Variants in FEZ2 observed in about 807,000 individuals in gnomAD.
FEZ2 encodes fasciculation and elongation protein zeta-2.
A neutral mutation model predicts 40.4 loss-of-function variants in FEZ2; 51 were observed. The observed-to-expected ratio is 1.26, with a 90% CI of 1.01 to 1.59. The LOEUF is 1.59. FEZ2 is among the 40% of genes most tolerant of loss of function. The pLI is 0.00. For synonymous variants in FEZ2, 242 were observed against 172.0 expected, an observed-to-expected ratio of 1.41 and a Z score of -3.18; for missense variants, 640 against 438.3, an observed-to-expected ratio of 1.46 and a Z score of -4.11.
rs181565759 is a variant in FEZ2, at chr2:36,553,673, C to G, written c.1046-494G>C. Among the ~76,000 whole-genome samples the G allele has an allele frequency of 2.1e-3, 317 of 152,292 alleles. 2 individuals carry two copies. The highest frequency in any genetic ancestry group is 1.1e-3 in the Non-Finnish European group (78 of 68,034). ...GAAAGAGAAGCTCAATTAGCCCATA[C>G]AGTGCCCACCCTACTCCCTTTTCTC... On this transcript the variant is annotated intron_variant, in intron 7 of 7. Coordinates refer to ENST00000405912, the MANE Select transcript of FEZ2 (RefSeq NM_005102.3).
Position 36,581,344 on chromosome 2 carries a change from G to A in FEZ2, c.580C>T (p.Leu194Phe). 1 of 1,613,656 alleles carries A rather than the reference G, an allele frequency of 6.2e-7. No homozygotes were observed. The highest frequency in any genetic ancestry group is 1.3e-5 in the African/African-American group (1 of 75,010). Residue 194 changes from leucine (L) to phenylalanine (F), a missense_variant, in exon 4 of 8, where the codon CTT becomes TTT. Transcript: ENST00000405912. ...TPTQSDRLSM[L>F]SQEIQTLKRS... ...TTGAGAGTTTGAATTTCCTGGGAAA[G>A]CATTGAAAGCCGATCTGACTGTGTA...
At chr2:36,566,964 T>C (rs1668259674) in intron 5 of FEZ2, among the ~76,000 whole-genome samples, 1 of 152,126 alleles carries the variant, frequency 6.6e-6, no homozygotes, top group Middle Eastern at 3.2e-3. Flanking sequence ...ACACTCTCTC[T>C]CTCTCTCTAT....
At chr2:36,574,987 G>C (rs1315132461) in intron 5 of FEZ2, among the ~76,000 whole-genome samples, 1 of 152,172 alleles carries the variant, frequency 6.6e-6, no homozygotes, top group African/African-American at 2.4e-5. Context: ...AGAAGCAGTG[G>C]TGTAGTGACA....
At position 36,555,719 on chromosome 2, in the gene FEZ2, T is replaced by C. The variant is rs1259231267; in HGVS notation, c.1009A>G (p.Lys337Glu). The change falls in exon 7 of 8, where the codon AAA becomes GAA. Residue 337 changes from lysine to glutamate, a missense_variant. Transcript: ENST00000405912. ...TAATCAGTTAACAAGCTCGGAACTTTTTCACTGTCCTCCTTCATGGCACGA... is the reference window on the plus strand; with the variant it reads ...TAATCAGTTAACAAGCTCGGAACTTCTTCACTGTCCTCCTTCATGGCACGA... ...ILRAMKEDSE[K>E]VPSLLTDYIL... 2 of 1,598,398 alleles carry C rather than the reference T, an allele frequency of 1.3e-6. No homozygotes were observed. The highest frequency in any genetic ancestry group is 1.7e-6 in the Non-Finnish European group (2 of 1,172,964).
At chr2:36,573,066 G>C (rs1266065754) in intron 5 of FEZ2, among the ~76,000 whole-genome samples, 1 of 152,174 alleles carries the variant, frequency 6.6e-6, no homozygotes, top group Non-Finnish European at 1.5e-5. Flanking sequence ...TTTCAGGGTT[G>C]ACTGACGCAG....
At chr2:36,578,924 A>G in intron 4 of FEZ2, 59 bp from the exon 5 acceptor site, 1 of 1,442,878 alleles carries the variant, frequency 6.9e-7, no homozygotes, top group South Asian at 1.3e-5. Context: ...AGGAAGCAAA[A>G]CAGAGTAGTC....
At chr2:36,595,112 C>G (rs1669178435) in intron 1 of FEZ2, among the ~76,000 whole-genome samples, 1 of 152,154 alleles carries the variant, frequency 6.6e-6, no homozygotes, top group Non-Finnish European at 1.5e-5. Context: ...TAAGTAAAAC[C>G]TCAGTACGTA....
At chr2:36,565,638 G>A (rs990994263) in intron 5 of FEZ2, among the ~76,000 whole-genome samples, 2 of 152,026 alleles carry the variant, frequency 1.3e-5, no homozygotes, top group African/African-American at 4.8e-5. Context: ...CCTAGCTAGG[G>A]GCAATAGTAA....
rs777339541 is a variant in FEZ2 at position 36,580,551 on chromosome 2, T to TTA, written c.634+738_634+739insTA. The stretch of plus-strand genomic sequence containing the variant: ...TTTTCATGAAAATCAACTGTAGAGT[T>TTA]TCTAGAGTTCATTATTCTCACATAT... On this transcript the variant is annotated intron_variant, in intron 4 of 7. Transcript: ENST00000405912. Among the ~76,000 whole-genome samples, 5 of 152,366 alleles carry TTA rather than the reference T, an allele frequency of 3.3e-5. No individual in the cohort carries two copies. The South Asian group carries it at 1.0e-3, about 32-fold the overall frequency.
chr2:36,565,344 A>G (rs1008185602), intron 5 of FEZ2, among the ~76,000 whole-genome samples: 5 of 152,134 alleles, frequency 3.3e-5, no homozygotes, highest in African/African-American at 7.2e-5. Context: ...CCTAAAATCC[A>G]TTTTTGGTTC....
At chr2:36,597,110 C>T (rs1261518402) in intron 1 of FEZ2, among the ~76,000 whole-genome samples, 1 of 152,132 alleles carries the variant, frequency 6.6e-6, no homozygotes, top group African/African-American at 2.4e-5. Context: ...CAGGGCCCTT[C>T]GTTTTCGTCT....
In FEZ2 at chr2:36,552,338, T is replaced by G. The variant is rs1368574038; in HGVS notation, c.*825A>C. ...AGTGCTCATGATATTGATGAATCCATAAGTAGCTGTATCTAGAATTCATAC... is the reference window on the plus strand; with the variant it reads ...AGTGCTCATGATATTGATGAATCCAGAAGTAGCTGTATCTAGAATTCATAC... On this transcript the variant is annotated 3_prime_UTR_variant, in exon 8 of 8. Coordinates refer to ENST00000405912, the MANE Select transcript of FEZ2 (RefSeq NM_005102.3). 3 of 387,426 alleles carry G rather than the reference T, an allele frequency of 7.7e-6. No homozygotes were observed. The highest frequency in any genetic ancestry group is 2.1e-5 in the African/African-American group (1 of 47,292). 24.0% of individuals were successfully genotyped at this position (387,426 alleles called of 1,614,324 possible). A position where few individuals can be genotyped will look rare whatever the true frequency, so the allele number is the denominator to read the frequency against.
At chr2:36,574,953 A>T (rs1411702600) in intron 5 of FEZ2, among the ~76,000 whole-genome samples, 1 of 152,224 alleles carries the variant, frequency 6.6e-6, no homozygotes, top group African/African-American at 2.4e-5. Context: ...GAAAGGGACT[A>T]GGCAGGCTCC....
intron 4 of FEZ2, 121 bp downstream of exon 4, chr2:36,581,169 A>G (rs1416681698): frequency 9.1e-6 from 9 of 988,218 alleles, no homozygotes; most frequent in Non-Finnish European, 1.4e-5. Context: ...ACAAAAATGT[A>G]AATTTGGACA....
At chr2:36,566,234 G>A (rs1435199502) in intron 5 of FEZ2, among the ~76,000 whole-genome samples, 1 of 152,082 alleles carries the variant, frequency 6.6e-6, no homozygotes, top group Non-Finnish European at 1.5e-5. Flanking sequence ...CAGCTACTCG[G>A]GAGGCTGAGG....
At chr2:36,588,170 AG>A (rs1215332874) in intron 2 of FEZ2, among the ~76,000 whole-genome samples, 1 of 152,244 alleles carries the variant, frequency 6.6e-6, no homozygotes, top group Non-Finnish European at 1.5e-5. Context: ...CTGGGATTAC[AG>A]GCATGCGCCA....
At position 36,598,091 on chromosome 2, in the gene FEZ2, G is replaced by C. The variant is rs1280211104; in HGVS notation, c.52C>G (p.Arg18Gly). The C allele has an allele frequency of 8.8e-6, 13 of 1,477,620 alleles. No homozygotes were observed. The highest frequency in any genetic ancestry group is 4.8e-4 in the Middle Eastern group (2 of 4,202). The allele number at this position is 1,477,620 out of a possible 1,614,324, so 91.5% of individuals were successfully genotyped here. A position where few individuals can be genotyped will look rare whatever the true frequency, so the allele number is the denominator to read the frequency against. The change falls in exon 1 of 8, where the codon CGG (arginine) becomes GGG (glycine). Residue 18 changes from arginine to glycine, a missense_variant. Physicochemically the swap from Arg to Gly is moderately radical, Grantham distance 125 (BLOSUM62 -2). Transcript: ENST00000405912. ...CAGTTCTCCTGGTCCAGGAGGCTCC[G>C]GGCCGGCTCCTGGAACTCATAGAAA... ...QDFYEFQEPA[R>G]SLLDQENCNA...
chr2:36,586,577 A>C (rs1255928613), intron 2 of FEZ2, among the ~76,000 whole-genome samples: 1 of 151,000 alleles, frequency 6.6e-6, no homozygotes, highest in Non-Finnish European at 1.5e-5. Context: ...CAGTGAGCCA[A>C]GATGGTGCCA....
intron 5 of FEZ2, among the ~76,000 whole-genome samples, chr2:36,565,380 G>A (rs912534703): frequency 4.6e-5 from 7 of 152,126 alleles, no homozygotes; most frequent in African/African-American, 1.7e-4. Context: ...CAAAAACCAG[G>A]TGCCTCAGAA....
Sources: gnomAD v4.1 joint callset for allele counts (sites outside exome capture counted in the v4.1 genomes callset) on GRCh38, gnomAD v4.1.1 for gene constraint, MANE v1.5 for transcripts, NCBI Gene and HGNC (gene_info 2026-07-23, HGNC 2026-07-21) for gene names.